The following OPCML variants were observed in gnomAD, a reference collection of about 807,000 sequenced individuals.
OPCML encodes the protein opioid binding protein/cell adhesion molecule like.
OPCML carries 13 observed loss-of-function variants against 37.8 expected under a neutral mutation model. The observed-to-expected ratio is 0.34, with a 90% CI of 0.22 to 0.55. The LOEUF (loss-of-function observed/expected upper bound fraction) is 0.55, where lower values mean the gene tolerates loss of function less well. Among genes scored for constraint, OPCML ranks in the 20% least tolerant of loss-of-function variants. The pLI is 0.91. For synonymous variants in OPCML, 176 were observed against 168.8 expected, an observed-to-expected ratio of 1.04 and a Z score of -0.33; for missense variants, 341 against 435.6, an observed-to-expected ratio of 0.78 and a Z score of 1.93.
chr11:132,754,028 G>A (rs1330829848), intron 2 of OPCML, among the ~76,000 whole-genome samples: 1 of 152,166 alleles, frequency 6.6e-6, no homozygotes, highest in South Asian at 2.1e-4. Flanking sequence ...CAACCAGCAG[G>A]CATCCATTAA....
chr11:132,426,662 C>G (rs2095978661), intron 7 of OPCML, among the ~76,000 whole-genome samples: 1 of 152,168 alleles, frequency 6.6e-6, no homozygotes, highest in Non-Finnish European at 1.5e-5. Context: ...GAACTGCTAG[C>G]CTCAAGTGAC....
chr11:133,164,262 C>G (rs935288312), intron 1 of OPCML, among the ~76,000 whole-genome samples: 1 of 152,126 alleles, frequency 6.6e-6, no homozygotes, highest in Non-Finnish European at 1.5e-5. Flanking sequence ...ACCCTCTGAG[C>G]CTTGTTTCCC....
At chr11:133,308,657 G>A (rs1470981124) in intron 1 of OPCML, among the ~76,000 whole-genome samples, 2 of 152,042 alleles carry the variant, frequency 1.3e-5, no homozygotes, top group Non-Finnish European at 2.9e-5. Flanking sequence ...CAGTAACAAT[G>A]AGCACACCCA....
Position 133,532,491 on chromosome 11 carries a change from G to A in OPCML, c.-167C>T, listed in dbSNP as rs1007794276. 2 of 736,332 alleles carry A rather than the reference G, an allele frequency of 2.7e-6. No individual in the cohort carries two copies. Among genetic ancestry groups the A allele is most frequent in the African/African-American group, 3.5e-5 (2 of 57,536 alleles). The allele number at this position is 736,332 out of a possible 1,614,324, so 45.6% of individuals were successfully genotyped here. A position where few individuals can be genotyped will look rare whatever the true frequency, so the allele number is the denominator to read the frequency against. ...GCGCGCGAGAGATGGGAGCAGGCAGGCAGCGTCTCTGATTTCTTTTCTTGC... is the reference window on the plus strand; with the variant it reads ...GCGCGCGAGAGATGGGAGCAGGCAGACAGCGTCTCTGATTTCTTTTCTTGC... On this transcript the variant is annotated 5_prime_UTR_variant, in exon 1 of 8. Transcript: ENST00000524381.
chr11:133,403,285 T>A (rs185570960), intron 1 of OPCML, among the ~76,000 whole-genome samples: 13 of 152,316 alleles, frequency 8.5e-5, no homozygotes, highest in African/African-American at 3.1e-4. Context: ...AACAAAGACT[T>A]CATAAAATGT....
chr11:132,423,239 ATT>A, intron 7 of OPCML, among the ~76,000 whole-genome samples: 1 of 152,142 alleles, frequency 6.6e-6, no homozygotes, highest in African/African-American at 2.4e-5. Flanking sequence ...AGGGAGTTTT[ATT>A]CTTCAGCAGC....
intron 1 of OPCML, among the ~76,000 whole-genome samples, chr11:133,257,900 G>T (rs1187140884): frequency 1.3e-5 from 2 of 150,244 alleles, no homozygotes; most frequent in African/African-American, 2.5e-5. Flanking sequence ...TGAACACCTT[G>T]GAGCCAACTT....
At chr11:133,375,437 A>T (rs1050558128) in intron 1 of OPCML, among the ~76,000 whole-genome samples, 1 of 152,226 alleles carries the variant, frequency 6.6e-6, no homozygotes, top group Non-Finnish European at 1.5e-5. Flanking sequence ...GGCATGAGAC[A>T]TTATTTCTTA....
intron 2 of OPCML, among the ~76,000 whole-genome samples, chr11:132,911,711 G>C (rs1002851963): frequency 2.6e-5 from 4 of 152,192 alleles, no homozygotes; most frequent in African/African-American, 9.6e-5. Flanking sequence ...GCCACCCAAA[G>C]AGTGCAAATA....
intron 3 of OPCML, among the ~76,000 whole-genome samples, chr11:132,534,044 G>C (rs2096333555): frequency 6.6e-6 from 1 of 152,058 alleles, no homozygotes; most frequent in African/African-American, 2.4e-5. Flanking sequence ...TCTAAATTCA[G>C]CATCTTTTAA....
At chr11:132,730,513 G>C (rs548155587) in intron 2 of OPCML, among the ~76,000 whole-genome samples, 1 of 152,124 alleles carries the variant, frequency 6.6e-6, no homozygotes, top group Non-Finnish European at 1.5e-5. Flanking sequence ...ATGTAATTTT[G>C]ATAGTATAAA....
intron 1 of OPCML, among the ~76,000 whole-genome samples, chr11:133,394,862 C>T (rs1337335740): frequency 6.6e-6 from 1 of 152,088 alleles, no homozygotes; most frequent in Non-Finnish European, 1.5e-5. Flanking sequence ...TTTGATGTAC[C>T]GATTTCCTTT....
intron 7 of OPCML, among the ~76,000 whole-genome samples, chr11:132,434,432 T>C (rs75533554): frequency 0.018 from 2,703 of 152,266 alleles, 55 homozygotes; most frequent in African/African-American, 0.059. Context: ...TAAGAGTGTG[T>C]GTGAGTGCAT....
At chr11:133,223,270 A>G (rs1032612408) in intron 1 of OPCML, among the ~76,000 whole-genome samples, 5 of 152,244 alleles carry the variant, frequency 3.3e-5, no homozygotes, top group African/African-American at 4.8e-5. Context: ...TGCACAGAAA[A>G]GTCCTTTACA....
intron 1 of OPCML, among the ~76,000 whole-genome samples, chr11:133,334,299 A>C (rs367890238): frequency 6.6e-6 from 1 of 152,246 alleles, no homozygotes; most frequent in Admixed American, 6.5e-5. Flanking sequence ...ACACCATGGA[A>C]TATTATGCAG....
chr11:132,677,624 C>T (rs181912130), intron 2 of OPCML, among the ~76,000 whole-genome samples: 408 of 152,200 alleles, frequency 2.7e-3, no homozygotes, highest in Non-Finnish European at 5.2e-3. Context: ...GTCTACTGAT[C>T]TTTTACAAAG....
At chr11:132,758,539 G>A (rs959539528) in intron 2 of OPCML, among the ~76,000 whole-genome samples, 1 of 152,000 alleles carries the variant, frequency 6.6e-6, no homozygotes, top group African/African-American at 2.4e-5. Flanking sequence ...TGGATTCCTA[G>A]GTATTTTATT....
chr11:132,931,547 A>G (rs1945202448), intron 2 of OPCML, among the ~76,000 whole-genome samples: 1 of 152,216 alleles, frequency 6.6e-6, no homozygotes, highest in African/African-American at 2.4e-5. Context: ...ACAAATGGTC[A>G]ATAAGCATAT....
At chr11:132,687,152 C>G (rs544828453) in intron 2 of OPCML, among the ~76,000 whole-genome samples, 199 of 151,724 alleles carry the variant, frequency 1.3e-3, no homozygotes, top group Non-Finnish European at 2.4e-3. Flanking sequence ...CTCAGGAAAT[C>G]GTGTTACTCT....
Sources: gnomAD v4.1 joint callset for allele counts (sites outside exome capture counted in the v4.1 genomes callset) on GRCh38, gnomAD v4.1.1 for gene constraint, MANE v1.5 for transcripts, NCBI Gene and HGNC (gene_info 2026-07-23, HGNC 2026-07-21) for gene names.